Variants in FYB1 observed in about 807,000 individuals in gnomAD.
The protein encoded by FYB1 is FYN binding protein 1, also known as FYN-binding protein 1.
A neutral mutation model predicts 94.1 loss-of-function variants in FYB1; 41 were observed. The ratio of observed to expected loss-of-function variants is 0.44; its 90% CI spans 0.34 to 0.57. The LOEUF is 0.57. Ranked by LOEUF, FYB1 falls within the 20% of genes least tolerant of loss-of-function variation. The pLI is 0.02. For synonymous variants in FYB1, 367 were observed against 353.2 expected (o/e 1.04, Z -0.44); for missense variants, 1,050 against 976.8 (o/e 1.07, Z -1.00).
chr5:39,110,014 A>G (rs1580283643), intron 17 of FYB1, among the ~76,000 whole-genome samples: 1 of 152,132 alleles, frequency 6.6e-6, no homozygotes, highest in East Asian at 1.9e-4. Flanking sequence ...CCACTCAATC[A>G]ATTGCATTAG....
intron 1 of FYB1, chr5:39,250,633 T>C (rs4957168): frequency 0.32 from 48,822 of 151,876 alleles, 9,536 homozygotes; most frequent in African/African-American, 0.56. Flanking sequence ...CAGGATTACT[T>C]GAAAGCAGAG....
intron 1 of FYB1, among the ~76,000 whole-genome samples, chr5:39,209,436 C>T (rs1161128320): frequency 1.3e-5 from 2 of 151,764 alleles, no homozygotes; most frequent in Non-Finnish European, 2.9e-5. Context: ...AAGCGATTCT[C>T]GTGCCTCAGC....
intron 1 of FYB1, among the ~76,000 whole-genome samples, chr5:39,244,245 T>A (rs1751360444): frequency 6.6e-6 from 1 of 152,148 alleles, no homozygotes; most frequent in Non-Finnish European, 1.5e-5. Flanking sequence ...TGCTTCCAGT[T>A]TTTGCCCATT....
At chr5:39,118,349 G>A (rs1487915410) in intron 16 of FYB1, among the ~76,000 whole-genome samples, 7 of 152,108 alleles carry the variant, frequency 4.6e-5, no homozygotes, top group Non-Finnish European at 8.8e-5. Flanking sequence ...GAAATTCTAG[G>A]TGTGAAATAT....
chr5:39,176,055 C>G (rs190188651), intron 2 of FYB1, among the ~76,000 whole-genome samples: 1 of 151,064 alleles, frequency 6.6e-6, no homozygotes, highest in Non-Finnish European at 1.5e-5. Context: ...CTCCCTTCTA[C>G]GGGAACTCAT....
intron 1 of FYB1, among the ~76,000 whole-genome samples, chr5:39,269,187 C>T (rs1015071073): frequency 1.3e-5 from 2 of 151,972 alleles, no homozygotes; most frequent in Non-Finnish European, 2.9e-5. Context: ...GTGGCTGGGA[C>T]TACAGGCACC....
At position 39,106,757 on chromosome 5, in the gene FYB1, A is replaced by G. The variant is rs1029578396; in HGVS notation, c.*686T>C. The G allele has an allele frequency of 1.3e-5, 2 of 152,086 alleles. No homozygotes were observed. The highest frequency in any genetic ancestry group is 2.9e-5 in the Non-Finnish European group (2 of 67,928). The allele number at this position is 152,086 out of a possible 1,614,324, so 9.4% of individuals were successfully genotyped here. On this transcript the variant is annotated 3_prime_UTR_variant, in exon 19 of 19. Transcript: ENST00000512982. ...ACCATTAGTATGTGAATCTGCAAAA[A>G]GAGAACTTGTTTTAGACTCTTCTAC...
At chr5:39,161,296 A>G (rs1744227703) in intron 2 of FYB1, among the ~76,000 whole-genome samples, 1 of 152,162 alleles carries the variant, frequency 6.6e-6, no homozygotes, top group South Asian at 2.1e-4. Context: ...TCCATTTAGA[A>G]AACAAAAATA....
chr5:39,149,567 T>G (rs1743064298), intron 3 of FYB1, among the ~76,000 whole-genome samples: 1 of 152,198 alleles, frequency 6.6e-6, no homozygotes, highest in South Asian at 2.1e-4. Flanking sequence ...GGTTGCCCTT[T>G]CTTTGTAAAG....
At chr5:39,263,122 G>A (rs1752294753) in intron 1 of FYB1, among the ~76,000 whole-genome samples, 1 of 151,240 alleles carries the variant, frequency 6.6e-6, no homozygotes, top group Admixed American at 6.6e-5. Flanking sequence ...GGACATGAGA[G>A]AAAAGAAAGG....
At chr5:39,119,514 T>A (rs990834933) in intron 15 of FYB1, 21 bp downstream of exon 15, 5 of 1,482,994 alleles carry the variant, frequency 3.4e-6, no homozygotes, top group Non-Finnish European at 4.5e-6. Context: ...GTACTTTGTA[T>A]AATATTTAGA....
At chr5:39,270,626 G>C in intron 1 of FYB1, 1 of 1,523,568 alleles carries the variant, frequency 6.6e-7, no homozygotes, top group South Asian at 1.2e-5. Flanking sequence ...AGATGGTGCA[G>C]CTTGGATAGT....
At chr5:39,236,375 G>C (rs1402222788) in intron 1 of FYB1, among the ~76,000 whole-genome samples, 2 of 152,034 alleles carry the variant, frequency 1.3e-5, no homozygotes, top group East Asian at 1.9e-4. Context: ...GGAAAATAAG[G>C]TATTCAATAA....
At chr5:39,112,660 C>G (rs1186951087) in intron 16 of FYB1, among the ~76,000 whole-genome samples, 1 of 151,924 alleles carries the variant, frequency 6.6e-6, no homozygotes, top group African/African-American at 2.4e-5. Flanking sequence ...AAACACTAAA[C>G]GAAAAGAGAG....
intron 11 of FYB1, among the ~76,000 whole-genome samples, chr5:39,127,286 A>G (rs1335463169): frequency 6.6e-6 from 1 of 151,572 alleles, no homozygotes; most frequent in Non-Finnish European, 1.5e-5. Context: ...TGCCTATATT[A>G]TAATCATGTT....
rs563257255 is a variant in FYB1 at position 39,185,641 on chromosome 5, TAC to T, written c.1135+16183_1135+16184del. On this transcript the variant is annotated intron_variant, in intron 2 of 18. Coordinates refer to ENST00000512982, the MANE Select transcript of FYB1 (RefSeq NM_001465.6). ...ATATATACACACATATATATATATA[TAC>T]ACACACACACATAATCACACTGGAA... is the stretch of plus-strand genomic sequence containing the variant. 7.6e-5 allele frequency among the ~76,000 whole-genome samples: 11 copies of T among 145,056 alleles called. No individual in the cohort carries two copies. In the East Asian group the frequency reaches 9.8e-4, roughly 13 times the overall value.
intron 2 of FYB1, among the ~76,000 whole-genome samples, chr5:39,163,876 T>C (rs1744484119): frequency 6.6e-6 from 1 of 152,202 alleles, no homozygotes; most frequent in Admixed American, 6.5e-5. Context: ...TGAAAAGTTA[T>C]TTTAAAAGTG....
chr5:39,265,286 C>T (rs528980307), intron 1 of FYB1, among the ~76,000 whole-genome samples: 1 of 152,102 alleles, frequency 6.6e-6, no homozygotes, highest in African/African-American at 2.4e-5. Flanking sequence ...TCGAGACCAA[C>T]CTGGCTAACA....
intron 2 of FYB1, among the ~76,000 whole-genome samples, chr5:39,177,721 C>T (rs918596569): frequency 5.9e-5 from 9 of 152,162 alleles, no homozygotes; most frequent in African/African-American, 2.2e-4. Context: ...CTGTAACTCT[C>T]TTCATTTTCT....
Sources: gnomAD v4.1 joint callset for allele counts (sites outside exome capture counted in the v4.1 genomes callset) on GRCh38, gnomAD v4.1.1 for gene constraint, MANE v1.5 for transcripts, NCBI Gene and HGNC (gene_info 2026-07-23, HGNC 2026-07-21) for gene names.